DUSP16: variants seen among roughly 807,000 people sequenced by gnomAD.
The protein encoded by DUSP16 is dual specificity protein phosphatase 16.
Under a neutral mutation model 58.3 loss-of-function variants are expected in DUSP16, and 21 were observed. The ratio of observed to expected loss-of-function variants is 0.36; its 90% CI spans 0.26 to 0.52. DUSP16 has a LOEUF of 0.52. Among genes scored for constraint, DUSP16 ranks in the 20% least tolerant of loss-of-function variants. The pLI is 0.94. For missense variants in DUSP16, 726 were observed against 819.0 expected, an observed-to-expected ratio of 0.89 and a Z score of 1.39; for synonymous variants, 320 against 323.8, an observed-to-expected ratio of 0.99 and a Z score of 0.12.
In DUSP16 at chr12:12,544,503, A is replaced by C. The variant is rs76329302; in HGVS notation, c.-366+17614T>G. Among the ~76,000 whole-genome samples the C allele has an allele frequency of 3.3e-3, 503 of 152,336 alleles. 3 individuals are homozygous for C. The highest frequency in any genetic ancestry group is 0.011 in the African/African-American group (471 of 41,578). ...GGAGTGGGTTTGCTAGGTTAAACGC[A>C]TAAGTATGTAACACTTTAGTATAAT... On this transcript the variant is annotated intron_variant, in intron 1 of 6. Transcript: ENST00000298573.
chr12:12,549,290 T>C (rs763348235), intron 1 of DUSP16, among the ~76,000 whole-genome samples: 21 of 152,016 alleles, frequency 1.4e-4, no homozygotes, highest in Non-Finnish European at 7.4e-5. Flanking sequence ...GCAGACTATC[T>C]AGTATAGTTA....
At chr12:12,556,217 A>C (rs2136273236) in intron 1 of DUSP16, among the ~76,000 whole-genome samples, 1 of 152,250 alleles carries the variant, frequency 6.6e-6, no homozygotes, top group South Asian at 2.1e-4. Flanking sequence ...TTCTATAGAC[A>C]CACTTAATAT....
At chr12:12,547,878 A>G (rs1402953093) in intron 1 of DUSP16, among the ~76,000 whole-genome samples, 1 of 152,186 alleles carries the variant, frequency 6.6e-6, no homozygotes, top group African/African-American at 2.4e-5. Flanking sequence ...TGCTTGCAAA[A>G]TTTACAATTT....
intron 1 of DUSP16, among the ~76,000 whole-genome samples, chr12:12,559,094 C>A (rs1944855349): frequency 6.6e-6 from 1 of 152,050 alleles, no homozygotes; most frequent in African/African-American, 2.4e-5. Flanking sequence ...AACCCTTGAT[C>A]ATCAAGGATA....
chr12:12,550,461 T>TA (rs1157123071), intron 1 of DUSP16, among the ~76,000 whole-genome samples: 3 of 152,220 alleles, frequency 2.0e-5, no homozygotes, highest in African/African-American at 4.8e-5. Context: ...CTCATGAGTG[T>TA]ACAACAGTGG....
At chr12:12,559,178 G>C (rs563290414) in intron 1 of DUSP16, among the ~76,000 whole-genome samples, 158 of 152,256 alleles carry the variant, frequency 1.0e-3, no homozygotes, top group African/African-American at 3.7e-3. Flanking sequence ...TCTGGCTTTG[G>C]AATTTATCAT....
chr12:12,540,445 A>G (rs977138096), intron 1 of DUSP16, among the ~76,000 whole-genome samples: 19 of 152,250 alleles, frequency 1.2e-4, no homozygotes, highest in African/African-American at 4.1e-4. Context: ...GAAAATGCTC[A>G]TTCAGCTATT....
intron 5 of DUSP16, among the ~76,000 whole-genome samples, chr12:12,483,675 G>A (rs1327345525): frequency 6.6e-6 from 1 of 152,090 alleles, no homozygotes; most frequent in Non-Finnish European, 1.5e-5. Flanking sequence ...ACAGTGAAGA[G>A]GAAGCAAGAG....
At chr12:12,511,849 A>AAGGGC (rs1179655393) in intron 3 of DUSP16, among the ~76,000 whole-genome samples, 1 of 151,728 alleles carries the variant, frequency 6.6e-6, no homozygotes, top group Non-Finnish European at 1.5e-5. Context: ...GGGCTGAAGA[A>AAGGGC]TATGCTGGAC....
intron 1 of DUSP16, among the ~76,000 whole-genome samples, chr12:12,527,827 T>C (rs951203343): frequency 2.6e-5 from 4 of 152,168 alleles, no homozygotes; most frequent in African/African-American, 9.7e-5. Flanking sequence ...TAGAACCCAG[T>C]TGCCTCGCAC....
chr12:12,487,265 G>A (rs1345438554), intron 4 of DUSP16, 78 bp from the exon 5 acceptor site: 6 of 1,481,174 alleles, frequency 4.1e-6, no homozygotes, highest in Non-Finnish European at 5.5e-6. Flanking sequence ...GAAGTTTAAT[G>A]TGATGATAAA....
chr12:12,546,482 T>C (rs973548358), intron 1 of DUSP16, among the ~76,000 whole-genome samples: 1 of 152,238 alleles, frequency 6.6e-6, no homozygotes, highest in African/African-American at 2.4e-5. Context: ...TGTAGTTCTT[T>C]GAAGCTGCCT....
chr12:12,515,878 C>A lies in DUSP16; in HGVS notation c.367+3984G>T, dbSNP rs148517342. The stretch of plus-strand genomic sequence containing the variant: ...GCAACCTCTGCCTCCCGGGTTCAAG[C>A]AATTCTCCTGCCTCAGCCTCCTGAG... On this transcript the variant is annotated intron_variant, in intron 3 of 6. Coordinates refer to ENST00000298573, the MANE Select transcript of DUSP16 (RefSeq NM_030640.3). 5.3e-3 allele frequency among the ~76,000 whole-genome samples: 813 copies of A among 152,162 alleles called. 8 individuals carry two copies. The highest frequency in any genetic ancestry group is 0.018 in the African/African-American group (741 of 41,504).
rs1201331823 is a variant in DUSP16 at position 12,476,861 on chromosome 12, C to T, written c.1970G>A (p.Gly657Asp). The T allele has an allele frequency of 1.9e-6, 3 of 1,609,308 alleles. No individual in the cohort carries two copies. Among genetic ancestry groups the T allele is most frequent in the Non-Finnish European group, 2.5e-6 (3 of 1,178,764 alleles). Residue 657 changes from glycine (G) to aspartate (D), a missense_variant, in exon 7 of 7, where the codon GGC becomes GAC. By Grantham distance (94) the Gly-to-Asp change is moderately conservative (BLOSUM62 -1). Transcript: ENST00000298573. ...GKVGSQSSFS[G>D]SMEIIEVS ...GGAGACCTCAATGATTTCCATGCTG[C>T]CCGAAAAGCTAGACTGACTGCCCAC...
In DUSP16 at chr12:12,521,141, C is replaced by T; in HGVS notation, c.-43G>A. The T allele has an allele frequency of 6.3e-7, 1 of 1,594,222 alleles. No individual in the cohort carries two copies. Among genetic ancestry groups the T allele is most frequent in the Non-Finnish European group, 8.5e-7 (1 of 1,169,990 alleles). ...TTTTCCCACCTCCTTCTTTAATTTGCCACGATGATGTAATGGTGGTGTGCT... is the reference window on the plus strand; with the variant it reads ...TTTTCCCACCTCCTTCTTTAATTTGTCACGATGATGTAATGGTGGTGTGCT... On this transcript the variant is annotated 5_prime_UTR_variant, in exon 2 of 7. Transcript: ENST00000298573.
At chr12:12,498,237 G>A (rs1177754342) in intron 4 of DUSP16, among the ~76,000 whole-genome samples, 2 of 151,938 alleles carry the variant, frequency 1.3e-5, no homozygotes, top group African/African-American at 4.8e-5. Flanking sequence ...AAACTCAACT[G>A]GATAATGTTG....
chr12:12,534,704 T>C (rs1389071512), intron 1 of DUSP16, among the ~76,000 whole-genome samples: 6 of 152,230 alleles, frequency 3.9e-5, no homozygotes, highest in African/African-American at 1.2e-4. Context: ...TCCCTTGATG[T>C]ACTGCTATTA....
chr12:12,546,006 G>T (rs1000883196), intron 1 of DUSP16, among the ~76,000 whole-genome samples: 1 of 152,110 alleles, frequency 6.6e-6, no homozygotes, highest in Non-Finnish European at 1.5e-5. Flanking sequence ...TGTTATAAAT[G>T]ATATTGATGT....
intron 1 of DUSP16, among the ~76,000 whole-genome samples, chr12:12,543,237 T>C (rs1425107616): frequency 1.3e-5 from 2 of 152,226 alleles, no homozygotes; most frequent in African/African-American, 4.8e-5. Context: ...TCAGGTTTAC[T>C]GGGGTTGACA....
Sources: allele counts gnomAD v4.1 joint callset (sites outside exome capture counted in the v4.1 genomes callset), GRCh38; gene constraint gnomAD v4.1.1; transcripts MANE v1.5; gene names NCBI Gene and HGNC (gene_info 2026-07-23, HGNC 2026-07-21).